Variants in PDZD2 observed in about 807,000 individuals in gnomAD.
PDZD2 encodes the protein PDZ domain containing 2.
In PDZD2, 90 loss-of-function variants were observed where a neutral mutation model predicts 220.7. The ratio of observed to expected loss-of-function variants is 0.41; its 90% confidence interval spans 0.34 to 0.49. PDZD2 has a LOEUF of 0.49. PDZD2 is among the 20% of genes least tolerant of loss of function. The pLI, the probability that PDZD2 is intolerant of heterozygous loss-of-function variation, is 0.28. For missense variants in PDZD2, 3,174 were observed against 3,608.5 expected (o/e 0.88, Z 3.08); for synonymous variants, 1,375 against 1,450.5 (o/e 0.95, Z 1.18).
chr5:31,985,412 G>A (rs1750637108), intron 3 of PDZD2, among the ~76,000 whole-genome samples: 2 of 152,186 alleles, frequency 1.3e-5, no homozygotes, highest in Non-Finnish European at 2.9e-5. Flanking sequence ...TTAAAACAAA[G>A]GGCCAGGTGC....
chr5:31,888,597 G>T (rs1002725314), intron 2 of PDZD2, among the ~76,000 whole-genome samples: 10 of 152,220 alleles, frequency 6.6e-5, no homozygotes, highest in Non-Finnish European at 1.5e-4. Context: ...TAATGAGGTG[G>T]TTTATACTCT....
intron 1 of PDZD2, among the ~76,000 whole-genome samples, chr5:31,679,699 A>G (rs970640255): frequency 2.0e-4 from 31 of 152,082 alleles, no homozygotes; most frequent in African/African-American, 7.5e-4. Context: ...TAGTAGAGAC[A>G]GGGTTTTGCC....
intron 2 of PDZD2, among the ~76,000 whole-genome samples, chr5:31,885,884 G>T (rs1448111329): frequency 1.3e-5 from 2 of 151,486 alleles, no homozygotes; most frequent in South Asian, 4.2e-4. Context: ...GTTTGTTTTT[G>T]GTTTTTTTGT....
intron 2 of PDZD2, among the ~76,000 whole-genome samples, chr5:31,884,592 G>GT (rs112100637): frequency 0.039 from 5,909 of 150,832 alleles, 399 homozygotes; most frequent in African/African-American, 0.14. Flanking sequence ...ATTGTATTGT[G>GT]TTTTTTTTTG....
At chr5:31,658,115 A>G (rs951536647) in intron 1 of PDZD2, among the ~76,000 whole-genome samples, 4 of 152,318 alleles carry the variant, frequency 2.6e-5, no homozygotes, top group African/African-American at 9.6e-5. Context: ...GATTGGTGCA[A>G]TCGCAGAATA....
chr5:32,035,039 T>G (rs905513447), intron 6 of PDZD2, among the ~76,000 whole-genome samples: 4 of 152,206 alleles, frequency 2.6e-5, no homozygotes, highest in African/African-American at 9.7e-5. Flanking sequence ...AATTAATTTG[T>G]TTTCTCAATG....
At chr5:31,789,281 A>G (rs146952339) in intron 1 of PDZD2, among the ~76,000 whole-genome samples, 1 of 152,328 alleles carries the variant, frequency 6.6e-6, no homozygotes, top group East Asian at 1.9e-4. Context: ...ACTGTATCTT[A>G]TGTCCACTCC....
rs186896091 is a variant in PDZD2 at position 31,733,741 on chromosome 5, G to T, written c.-360-65148G>T. On this transcript the variant is annotated intron_variant, in intron 1 of 24. Transcript: ENST00000438447. ...GGTGACAGTATATGCAGATCCAGCT[G>T]TGTTGAGAGCTATCGCCGTTCCTGT... is the stretch of plus-strand genomic sequence containing the variant. Among the ~76,000 whole-genome samples, 156 of 152,318 alleles carry T rather than the reference G, an allele frequency of 1.0e-3. 1 individual carries two copies. Among genetic ancestry groups the T allele is most frequent in the Non-Finnish European group, 1.9e-3 (129 of 68,020 alleles).
At chr5:31,886,730 C>CAT (rs1389503669) in intron 2 of PDZD2, among the ~76,000 whole-genome samples, 2 of 150,674 alleles carry the variant, frequency 1.3e-5, no homozygotes, top group African/African-American at 2.4e-5. Context: ...CGGAGTCTTG[C>CAT]TCTGTCGCTC....
chr5:32,088,336 G>C lies in PDZD2; in HGVS notation c.4888G>C (p.Val1630Leu), dbSNP rs750931021. 5.6e-6 allele frequency: 9 copies of C among 1,614,124 alleles called. 1 individual carries two copies. In the South Asian group the frequency reaches 9.9e-5, roughly 18 times the overall value. ...QAAICPASAK[V>L]LSLKYSTPRE... Reference sequence around the variant, plus strand: ...TGCCATCTGTCCTGCCTCAGCCAAAGTTCTGTCATTAAAATACAGCACTCC... The same window carrying C: ...TGCCATCTGTCCTGCCTCAGCCAAACTTCTGTCATTAAAATACAGCACTCC... Residue 1630 changes from valine to leucine, a missense_variant, in exon 20 of 25, where the codon GTT becomes CTT. Physicochemically the swap from Val to Leu is conservative, Grantham distance 32. Coordinates refer to ENST00000438447, the MANE Select transcript of PDZD2 (RefSeq NM_178140.4). This position sits in a 1 kb window ranked among gnomAD's most constrained non-coding sequence, Gnocchi z 4.6.
At chr5:31,662,283 C>T (rs1045389921) in intron 1 of PDZD2, among the ~76,000 whole-genome samples, 2 of 152,000 alleles carry the variant, frequency 1.3e-5, no homozygotes, top group African/African-American at 4.8e-5. Flanking sequence ...TGCACTCTAG[C>T]CTGGGCGACA....
chr5:32,059,528 A>T (rs1265597735), intron 13 of PDZD2, among the ~76,000 whole-genome samples, 172 bp downstream of exon 13: 2 of 152,244 alleles, frequency 1.3e-5, no homozygotes, highest in African/African-American at 4.8e-5. Context: ...AAATGTTAAT[A>T]TAAATGAAAT....
intron 1 of PDZD2, among the ~76,000 whole-genome samples, chr5:31,724,117 A>T (rs2150150076): frequency 6.6e-6 from 1 of 152,344 alleles, no homozygotes; most frequent in South Asian, 2.1e-4. Context: ...AAACTAAGCA[A>T]TATTATGGTC....
In PDZD2 at chr5:32,074,312, G is replaced by A. The variant is rs200555780; in HGVS notation, c.3206G>A (p.Ser1069Asn). ...LTDSAEAPKG[S>N]PGSWWKKELS... Reference sequence around the variant, plus strand: ...GACTCTGCAGAGGCCCCCAAGGGGAGCCCTGGAAGCTGGTGGAAGAAGGAA... The same window carrying A: ...GACTCTGCAGAGGCCCCCAAGGGGAACCCTGGAAGCTGGTGGAAGAAGGAA... Residue 1069 changes from serine (S) to asparagine (N), a missense_variant, in exon 18 of 25, where the codon AGC (serine) becomes AAC (asparagine). By Grantham distance (46) the Ser-to-Asn change is conservative. Coordinates refer to ENST00000438447, the MANE Select transcript of PDZD2 (RefSeq NM_178140.4). 1 of 1,614,178 alleles carries A rather than the reference G, an allele frequency of 6.2e-7. No individual in the cohort carries two copies. The highest frequency in any genetic ancestry group is 8.5e-7 in the Non-Finnish European group (1 of 1,180,028).
rs147210186 is a variant in PDZD2, at chr5:31,925,731, A to G, written c.477-57424A>G. On this transcript the variant is annotated intron_variant, in intron 2 of 24. Coordinates refer to ENST00000438447, the MANE Select transcript of PDZD2 (RefSeq NM_178140.4). ...TTTCCAACAAAGGTCTAATACTAGA[A>G]TCTATAAGAAACTTAAACTAGCCAA... Among the ~76,000 whole-genome samples, 231 of 152,008 alleles carry G rather than the reference A, an allele frequency of 1.5e-3. 2 individuals carry two copies. The highest frequency in any genetic ancestry group is 0.011 in the Admixed American group (170 of 15,238).
intron 23 of PDZD2, chr5:32,100,560 TGCAGGAGCAGGAGTG>T (rs1377134317): frequency 3.0e-6 from 1 of 332,002 alleles, no homozygotes; most frequent in Admixed American, 4.2e-5. Context: ...GGTTTCCCTT[TGCAGGAGCAGGAGTG>T]GCAGGAGCGG....
chr5:31,904,575 T>G (rs1328684233), intron 2 of PDZD2, among the ~76,000 whole-genome samples: 1 of 152,174 alleles, frequency 6.6e-6, no homozygotes, highest in African/African-American at 2.4e-5. Context: ...TCGCGCAGGC[T>G]GGAGTGCAGT....
chr5:31,929,988 C>A (rs1261023529), intron 2 of PDZD2, among the ~76,000 whole-genome samples: 3 of 151,352 alleles, frequency 2.0e-5, no homozygotes, highest in Non-Finnish European at 4.4e-5. Context: ...TCAGGTTGTG[C>A]AAAGGTCTGG....
chr5:32,011,097 A>G lies in PDZD2; in HGVS notation c.1407+615A>G, dbSNP rs1753282531. On this transcript the variant is annotated intron_variant, in intron 6 of 24. Transcript: ENST00000438447. ...TCTAGAATGCTTTATAATATATACA[A>G]GGATTTTGCTGCTATGCCTTGCTGG... 2.0e-5 allele frequency among the ~76,000 whole-genome samples: 3 copies of G among 152,114 alleles called. No individual in the cohort carries two copies. In the South Asian group the frequency reaches 6.2e-4, roughly 32 times the overall value.
Sources: allele counts gnomAD v4.1 joint callset (sites outside exome capture counted in the v4.1 genomes callset), GRCh38; gene constraint gnomAD v4.1.1; non-coding constraint Gnocchi (gnomAD v3.1); transcripts MANE v1.5; gene names NCBI Gene and HGNC (gene_info 2026-07-23, HGNC 2026-07-21).